Variants in MEGF10 observed in about 807,000 individuals in gnomAD.
MEGF10 encodes multiple EGF like domains 10.
Under a neutral mutation model 147.5 loss-of-function variants are expected in MEGF10, and 86 were observed. That is an observed-to-expected ratio of 0.58 (90% CI 0.49 to 0.70). MEGF10 has a LOEUF of 0.70. MEGF10 is among the 30% of genes least tolerant of loss of function. MEGF10 has a pLI of 0.00. For synonymous variants in MEGF10, 478 were observed against 525.5 expected, an observed-to-expected ratio of 0.91 and a Z score of 1.24; for missense variants, 1,329 against 1,487.3, an observed-to-expected ratio of 0.89 and a Z score of 1.75.
chr5:127,278,402 G>C, the MEGF10 span, among the ~76,000 whole-genome samples: 1 of 152,160 alleles, frequency 6.6e-6, no homozygotes, highest in South Asian at 2.1e-4. Context: ...AGAGAGAATA[G>C]AAGGAAAATA....
At position 127,445,668 on chromosome 5, in the gene MEGF10, C is replaced by G. The variant is rs758284831; in HGVS notation, c.2703C>G (p.Val901=). ...PAVTYTPAMR[V]VNADYTISGT... is the part of the protein sequence containing the mutation. ...TTACCTACACCCCTGCTATGAGGGT[C>G]GTCAATGCAGATTATACCATTTCAG... Residue 901 remains valine, a synonymous_variant, in exon 20 of 25, where the codon GTC becomes GTG. Transcript: ENST00000503335. 6.2e-7 allele frequency: 1 copy of G among 1,613,830 alleles called. No homozygotes were observed.
chr5:127,293,141 G>A (rs773993148), intron 1 of MEGF10, among the ~76,000 whole-genome samples: 11 of 152,152 alleles, frequency 7.2e-5, no homozygotes, highest in Admixed American at 1.3e-4. Context: ...ATAACCTCCA[G>A]TGTTCCTTCT....
At chr5:127,282,219 T>C in the MEGF10 span, among the ~76,000 whole-genome samples, 3 of 152,190 alleles carry the variant, frequency 2.0e-5, no homozygotes, top group Non-Finnish European at 4.4e-5. Flanking sequence ...TTACCTCTTA[T>C]ATGTGGAGCA....
At chr5:127,407,617 C>G (rs1194728204) in intron 8 of MEGF10, among the ~76,000 whole-genome samples, 1 of 152,106 alleles carries the variant, frequency 6.6e-6, no homozygotes, top group African/African-American at 2.4e-5. Context: ...TATTACTTTT[C>G]TGCTATCTGT....
At chr5:127,257,527 C>T in the MEGF10 span, among the ~76,000 whole-genome samples, 1 of 152,124 alleles carries the variant, frequency 6.6e-6, no homozygotes, top group Admixed American at 6.6e-5. Flanking sequence ...TGTGCCTCAG[C>T]AGGGCAAATA....
intron 13 of MEGF10, among the ~76,000 whole-genome samples, chr5:127,429,335 C>T (rs145553187): frequency 6.6e-6 from 1 of 152,258 alleles, no homozygotes; most frequent in East Asian, 1.9e-4. Flanking sequence ...ATCTCCACCT[C>T]CTTAGCAGGG....
At chr5:127,235,618 G>A in the MEGF10 span, among the ~76,000 whole-genome samples, 1 of 152,136 alleles carries the variant, frequency 6.6e-6, no homozygotes, top group African/African-American at 2.4e-5. Flanking sequence ...TTTTCATTTG[G>A]ATGATATTTT....
At chr5:127,284,189 C>T in the MEGF10 span, among the ~76,000 whole-genome samples, 1 of 152,122 alleles carries the variant, frequency 6.6e-6, no homozygotes, top group Non-Finnish European at 1.5e-5. Flanking sequence ...ATATCTAGGA[C>T]TGGAAGAAGA....
intron 1 of MEGF10, among the ~76,000 whole-genome samples, chr5:127,295,391 A>G (rs760641063): frequency 6.6e-6 from 1 of 152,218 alleles, no homozygotes; most frequent in Non-Finnish European, 1.5e-5. Context: ...TCTGATTCAG[A>G]TGAAAAGATT....
In MEGF10 at chr5:127,433,470, G is replaced by A. The variant is rs778255998; in HGVS notation, c.1801G>A (p.Glu601Lys). Reference protein sequence around the residue: ...ASCSPDDGICECAPGFRGTTC... With the variant: ...ASCSPDDGICKCAPGFRGTTC... ...ATGCTCCCCTGATGATGGCATCTGC[G>A]AGTGTGCACCAGGCTTCCGAGGCAC... The change falls in exon 14 of 25, where the codon GAG becomes AAG. Residue 601 changes from glutamate to lysine, a missense_variant. This residue lies in a region of MEGF10 where 980 missense variants were observed against 1,085.9 expected (regional missense o/e 0.90). Transcript: ENST00000503335. The A allele has an allele frequency of 1.8e-5, 29 of 1,613,328 alleles. No homozygotes were observed. The highest frequency in any genetic ancestry group is 1.2e-4 in the Admixed American group (7 of 59,930).
chr5:127,280,265 G>A, the MEGF10 span, among the ~76,000 whole-genome samples: 2 of 152,164 alleles, frequency 1.3e-5, no homozygotes, highest in Admixed American at 1.3e-4. Flanking sequence ...CTGGTTCTAA[G>A]TAATTCTGCG....
At chr5:127,303,330 C>A (rs1759857339) in intron 1 of MEGF10, among the ~76,000 whole-genome samples, 3 of 121,942 alleles carry the variant, frequency 2.5e-5, no homozygotes. Flanking sequence ...ATCGAGACTC[C>A]ATGTCAAAAA....
intron 1 of MEGF10, among the ~76,000 whole-genome samples, chr5:127,293,506 A>G (rs1268474818): frequency 6.6e-6 from 1 of 152,220 alleles, no homozygotes; most frequent in Admixed American, 6.5e-5. Context: ...GCCTTGATTT[A>G]GAAGTAGTAA....
At chr5:127,265,871 GC>G in the MEGF10 span, among the ~76,000 whole-genome samples, 1,000 of 152,186 alleles carry the variant, frequency 6.6e-3, 12 homozygotes, top group African/African-American at 0.023. Context: ...TCTGTAGGTT[GC>G]CTGTTCACTC....
In MEGF10 at chr5:127,355,328, T is replaced by C. The variant is rs559438106; in HGVS notation, c.320-14582T>C. On this transcript the variant is annotated intron_variant, in intron 4 of 24. Transcript: ENST00000503335. ...TTGTCAAATATTAAAAAAAAAACCA[T>C]AGTCTTTTGATCCATTTAAGCAGAT... Among the ~76,000 whole-genome samples, 36 of 152,076 alleles carry C rather than the reference T, an allele frequency of 2.4e-4. No homozygotes were observed. The South Asian group carries it at 7.3e-3, about 31-fold the overall frequency.
intron 11 of MEGF10, 148 bp from the exon 12 acceptor site, chr5:127,419,896 C>T: frequency 1.1e-6 from 1 of 917,490 alleles, no homozygotes. Flanking sequence ...TGATGGAGGC[C>T]TAACTTGGCA....
the MEGF10 span, among the ~76,000 whole-genome samples, chr5:127,271,403 GGT>G: frequency 5.9e-5 from 9 of 151,568 alleles, no homozygotes; most frequent in African/African-American, 1.9e-4. Flanking sequence ...TTTTTAGTGG[GGT>G]TTTTTTTTTC....
chr5:127,246,205 C>G, the MEGF10 span, among the ~76,000 whole-genome samples: 1 of 152,060 alleles, frequency 6.6e-6, no homozygotes, highest in Non-Finnish European at 1.5e-5. Flanking sequence ...GGAACCAATC[C>G]AAATGCCCAT....
chr5:127,398,205 A>G (rs1763995146), intron 6 of MEGF10, among the ~76,000 whole-genome samples: 1 of 152,152 alleles, frequency 6.6e-6, no homozygotes, highest in Non-Finnish European at 1.5e-5. Context: ...CATATTCTGC[A>G]CATGTATCCT....
Sources: gnomAD v4.1 joint callset for allele counts (sites outside exome capture counted in the v4.1 genomes callset) on GRCh38, gnomAD v4.1.1 for gene constraint, gnomAD v4.1.1 regional missense constraint, MANE v1.5 for transcripts, NCBI Gene and HGNC (gene_info 2026-07-23, HGNC 2026-07-21) for gene names.